The following CLIP4 variants were observed in gnomAD, a reference collection of about 807,000 sequenced individuals.
CLIP4 encodes the protein CAP-Gly domain-containing linker protein 4.
Under a neutral mutation model 73.1 loss-of-function variants are expected in CLIP4, and 47 were observed. That is an observed-to-expected ratio of 0.64 (90% CI 0.51 to 0.82). The LOEUF (loss-of-function observed/expected upper bound fraction) is 0.82, where lower values mean the gene tolerates loss of function less well. Ranked by LOEUF, CLIP4 falls within the 40% of genes least tolerant of loss-of-function variation. CLIP4 has a pLI of 0.00. For missense variants in CLIP4, 874 were observed against 852.9 expected (o/e 1.02, Z -0.31); for synonymous variants, 306 against 295.4 (o/e 1.04, Z -0.37).
rs778022171 is a variant in CLIP4 at position 29,174,396 on chromosome 2, A to C, written c.1747A>C (p.Thr583Pro). Residue 583 changes from threonine to proline, a missense_variant, in exon 15 of 16, where the codon ACT (threonine) becomes CCT (proline). Transcript: ENST00000320081. ...AGGTTTTAGGAGAAGTTTTAGCACAACTTCTGCTTCTTCCCAAAAGGAGAT... is the reference window on the plus strand; with the variant it reads ...AGGTTTTAGGAGAAGTTTTAGCACACCTTCTGCTTCTTCCCAAAAGGAGAT... Reference protein sequence around the residue: ...YPGFRRSFSTTSASSQKEINR... With the variant: ...YPGFRRSFSTPSASSQKEINR... 3.1e-6 allele frequency: 5 copies of C among 1,612,456 alleles called. No homozygotes were observed. The highest frequency in any genetic ancestry group is 4.2e-6 in the Non-Finnish European group (5 of 1,179,638).
At chr2:29,149,410 C>CTTT (rs71403647) in intron 8 of CLIP4, among the ~76,000 whole-genome samples, 4 of 138,320 alleles carry the variant, frequency 2.9e-5, no homozygotes, top group Non-Finnish European at 4.6e-5. Flanking sequence ...TTCTCCTTTT[C>CTTT]TTTTTTTTTT....
chr2:29,103,272 T>C (rs898943423), intron 1 of CLIP4, among the ~76,000 whole-genome samples: 4 of 152,008 alleles, frequency 2.6e-5, no homozygotes, highest in African/African-American at 9.7e-5. Flanking sequence ...TTATATAAAA[T>C]TTAAACTTAA....
Position 29,152,727 on chromosome 2 carries a change from G to A in CLIP4, c.1064G>A (p.Arg355Gln), listed in dbSNP as rs762644866. Residue 355 changes from arginine (R) to glutamine (Q), a missense_variant, in exon 9 of 16, where the codon CGA (arginine) becomes CAA (glutamine). Physicochemically the swap from Arg to Gln is conservative, Grantham distance 43 (BLOSUM62 1). Coordinates refer to ENST00000320081, the MANE Select transcript of CLIP4 (RefSeq NM_024692.6). ...TCAAAGATAAGTAAAGCAAAAGGTCGAAGGAAGAATATAACACACACTCCT... is the reference window on the plus strand; with the variant it reads ...TCAAAGATAAGTAAAGCAAAAGGTCAAAGGAAGAATATAACACACACTCCT... ...PLSKISKAKG[R>Q]RKNITHTPST... 8 of 1,613,604 alleles carry A rather than the reference G, an allele frequency of 5.0e-6. No homozygotes were observed. Among genetic ancestry groups the A allele is most frequent in the Admixed American group, 3.3e-5 (2 of 59,970 alleles).
At chr2:29,147,931 G>C (rs1018378877) in intron 8 of CLIP4, among the ~76,000 whole-genome samples, 1 of 152,132 alleles carries the variant, frequency 6.6e-6, no homozygotes, top group Non-Finnish European at 1.5e-5. Context: ...TTTGCCACCT[G>C]TCAAGCAGAT....
In CLIP4 at chr2:29,182,132, A is replaced by G; in HGVS notation, c.*239A>G. ...ACCAATTAAAGCTTTAGGTTCCAAG[A>G]AGATTCTGGGACTCAGGAAGAAAAA... On this transcript the variant is annotated 3_prime_UTR_variant, in exon 16 of 16. Transcript: ENST00000320081. 3.2e-6 allele frequency: 1 copy of G among 313,788 alleles called. No individual in the cohort carries two copies. Among genetic ancestry groups the G allele is most frequent in the Non-Finnish European group, 5.8e-6 (1 of 173,416 alleles). The allele number at this position is 313,788 out of a possible 1,614,324, so 19.4% of individuals were successfully genotyped here. A position where few individuals can be genotyped will look rare whatever the true frequency, so the allele number is the denominator to read the frequency against.
intron 5 of CLIP4, among the ~76,000 whole-genome samples, chr2:29,135,192 A>T (rs890355251): frequency 6.6e-6 from 1 of 152,162 alleles, no homozygotes; most frequent in African/African-American, 2.4e-5. Flanking sequence ...CTACTACTCT[A>T]CCTCACTGTA....
At chr2:29,099,226 T>C (rs1667968593) in intron 1 of CLIP4, among the ~76,000 whole-genome samples, 1 of 152,248 alleles carries the variant, frequency 6.6e-6, no homozygotes, top group African/African-American at 2.4e-5. Flanking sequence ...TGTCAGTTTT[T>C]TCTTTCATTA....
At chr2:29,121,581 C>G in intron 2 of CLIP4, 60 bp downstream of exon 2, 1 of 1,556,234 alleles carries the variant, frequency 6.4e-7, no homozygotes. Context: ...TCTGTTACGC[C>G]TTTTTTGCAC....
In CLIP4 at chr2:29,174,277, T is replaced by C; in HGVS notation, c.1724-96T>C. 5 of 1,057,404 alleles carry C rather than the reference T, an allele frequency of 4.7e-6. 1 individual carries two copies. The South Asian group carries it at 6.1e-5, about 13-fold the overall frequency. 65.5% of individuals were successfully genotyped at this position (1,057,404 alleles called of 1,614,324 possible). On this transcript the variant is annotated intron_variant, in intron 14 of 15. Transcript: ENST00000320081. ...GCTGTTTTGAAAGAAACATTTAATA[T>C]AATAGAACATCTACAGAAGAAGTGA...
At chr2:29,175,906 C>T (rs545759185) in intron 15 of CLIP4, among the ~76,000 whole-genome samples, 41 of 151,230 alleles carry the variant, frequency 2.7e-4, no homozygotes, top group African/African-American at 5.6e-4. Flanking sequence ...GGACTACAGG[C>T]GCCCGCCACC....
Position 29,161,136 on chromosome 2 carries a change from C to T in CLIP4, c.1534+669C>T, listed in dbSNP as rs189652334. On this transcript the variant is annotated intron_variant, in intron 12 of 15. Transcript: ENST00000320081. ...ATTACAGGCATGCGCCACCACGCCCCGCTAATTTTGTATTTTTAGTAGAGA... is the reference window on the plus strand; with the variant it reads ...ATTACAGGCATGCGCCACCACGCCCTGCTAATTTTGTATTTTTAGTAGAGA... Among the ~76,000 whole-genome samples the T allele has an allele frequency of 5.9e-5, 9 of 152,092 alleles. No homozygotes were observed. In the South Asian group the frequency reaches 8.3e-4, roughly 14 times the overall value.
intron 1 of CLIP4, among the ~76,000 whole-genome samples, chr2:29,103,360 T>G (rs1169958640): frequency 1.3e-5 from 2 of 151,852 alleles, no homozygotes; most frequent in Non-Finnish European, 2.9e-5. Context: ...TCTGATCTCC[T>G]TTTTTTAGTT....
intron 9 of CLIP4, among the ~76,000 whole-genome samples, chr2:29,154,018 A>T (rs531195143): frequency 6.6e-6 from 1 of 152,228 alleles, no homozygotes; most frequent in Non-Finnish European, 1.5e-5. Context: ...AAGAACTGAC[A>T]TCTTTACAAT....
chr2:29,172,573 T>C (rs771808515), intron 14 of CLIP4, among the ~76,000 whole-genome samples: 6 of 152,144 alleles, frequency 3.9e-5, no homozygotes, highest in African/African-American at 1.4e-4. Context: ...TGTTTATCCT[T>C]TTTGTTTGGC....
chr2:29,171,072 G>T (rs1329276128), intron 14 of CLIP4, among the ~76,000 whole-genome samples: 1 of 152,080 alleles, frequency 6.6e-6, no homozygotes, highest in Non-Finnish European at 1.5e-5. Context: ...TGTTGTGTTG[G>T]TTATTCTAGG....
Position 29,131,326 on chromosome 2 carries a change from T to G in CLIP4, c.202T>G (p.Ser68Ala). The G allele has an allele frequency of 6.2e-7, 1 of 1,611,152 alleles. No individual in the cohort carries two copies. The highest frequency in any genetic ancestry group is 8.5e-7 in the Non-Finnish European group (1 of 1,178,852). The stretch of plus-strand genomic sequence containing the variant: ...TCTTTTTGATCCCAAAACTTCAGTT[T>G]CAGAATTATTTGCCATTTTGAGACA... Reference protein sequence around the residue: ...EILFDPKTSVSELFAILRQWV... With the variant: ...EILFDPKTSVAELFAILRQWV... The change falls in exon 3 of 16, where the codon TCA becomes GCA. Residue 68 changes from serine (S) to alanine (A), a missense_variant. Coordinates refer to ENST00000320081, the MANE Select transcript of CLIP4 (RefSeq NM_024692.6).
intron 1 of CLIP4, among the ~76,000 whole-genome samples, chr2:29,110,404 A>G (rs529488722): frequency 6.6e-6 from 1 of 152,350 alleles, no homozygotes; most frequent in East Asian, 1.9e-4. Context: ...TACTTAATAA[A>G]TGATATCATA....
intron 1 of CLIP4, among the ~76,000 whole-genome samples, chr2:29,110,235 G>A (rs1451423133): frequency 6.6e-6 from 1 of 152,156 alleles, no homozygotes; most frequent in Non-Finnish European, 1.5e-5. Flanking sequence ...GCTCAATGGA[G>A]TCCTCTTCAG....
intron 15 of CLIP4, among the ~76,000 whole-genome samples, chr2:29,177,228 G>A (rs908168924): frequency 6.6e-6 from 1 of 152,022 alleles, no homozygotes; most frequent in Non-Finnish European, 1.5e-5. Flanking sequence ...GGCCAACATG[G>A]TGAAAGCCCC....
Sources: allele counts gnomAD v4.1 joint callset (sites outside exome capture counted in the v4.1 genomes callset), GRCh38; gene constraint gnomAD v4.1.1; transcripts MANE v1.5; gene names NCBI Gene and HGNC (gene_info 2026-07-23, HGNC 2026-07-21).